The following RBPMS2 variants were observed in gnomAD, a reference collection of about 807,000 sequenced individuals.
RBPMS2 encodes the protein RNA binding protein, mRNA processing factor 2, also known as RNA-binding protein with multiple splicing 2.
Under a neutral mutation model 25.7 loss-of-function variants are expected in RBPMS2, and 14 were observed. The observed-to-expected ratio is 0.55, with a 90% CI of 0.36 to 0.85. The LOEUF is 0.85. Among genes scored for constraint, RBPMS2 ranks in the 40% least tolerant of loss-of-function variants. RBPMS2 has a pLI of 0.01. For missense variants in RBPMS2, 252 were observed against 283.4 expected (o/e 0.89, Z 0.80); for synonymous variants, 127 against 115.6 (o/e 1.10, Z -0.63).
chr15:64,751,720 T>A, intron 1 of RBPMS2, 82 bp from the exon 2 acceptor site: 1 of 1,151,090 alleles, frequency 8.7e-7, no homozygotes, highest in Non-Finnish European at 1.3e-6. Flanking sequence ...GGCAGGCAAC[T>A]GGAATCCTTC....
intron 6 of RBPMS2, among the ~76,000 whole-genome samples, chr15:64,748,050 G>C (rs945779354): frequency 6.6e-6 from 1 of 152,076 alleles, no homozygotes; most frequent in Non-Finnish European, 1.5e-5. Flanking sequence ...TTGATGAAAG[G>C]GACAGGAAGG....
rs1308987488 is a variant in RBPMS2, at chr15:64,775,279, G to C, written c.41C>G (p.Thr14Ser). ...GGAGCCCGCGCCGGAGCCGGTGCCG[G>C]TGCTGCCGCCGTGCTCGCCGTCCGG... ...LKPDGEHGGS[T>S]GTGSGAGSGG... The change falls in exon 1 of 8, where the codon ACC (threonine) becomes AGC (serine). Residue 14 changes from threonine (T) to serine (S), a missense_variant. Physicochemically the swap from Thr to Ser is moderately conservative, Grantham distance 58. Transcript: ENST00000300069. 1.5e-6 allele frequency: 2 copies of C among 1,353,372 alleles called. No individual in the cohort carries two copies. Among genetic ancestry groups the C allele is most frequent in the African/African-American group, 1.5e-5 (1 of 66,042 alleles). 83.8% of individuals were successfully genotyped at this position (1,353,372 alleles called of 1,614,324 possible). A position where few individuals can be genotyped will look rare whatever the true frequency, so the allele number is the denominator to read the frequency against.
rs1049430594 is a variant in RBPMS2, at chr15:64,749,558, A to G, written c.205-65T>C. 9 of 1,362,014 alleles carry G rather than the reference A, an allele frequency of 6.6e-6. No individual in the cohort carries two copies. In the African/African-American group the frequency reaches 1.3e-4, roughly 20 times the overall value. 84.4% of individuals were successfully genotyped at this position (1,362,014 alleles called of 1,614,324 possible). A position where few individuals can be genotyped will look rare whatever the true frequency, so the allele number is the denominator to read the frequency against. The stretch of plus-strand genomic sequence containing the variant: ...GCATTCCACCTCTCCCTCCAAAATA[A>G]CAACAAAAAAAGAGTATCATCTATG... On this transcript the variant is annotated intron_variant, in intron 3 of 7. Coordinates refer to ENST00000300069, the MANE Select transcript of RBPMS2 (RefSeq NM_194272.3).
At chr15:64,746,951 G>T (rs887592183) in intron 6 of RBPMS2, among the ~76,000 whole-genome samples, 1 of 152,186 alleles carries the variant, frequency 6.6e-6, no homozygotes, top group Non-Finnish European at 1.5e-5. Flanking sequence ...TTGACCTGAA[G>T]CATCAAGTCA....
chr15:64,749,420 C>T lies in RBPMS2; in HGVS notation c.267+11G>A. On this transcript the variant is annotated intron_variant, in intron 4 of 7. Transcript: ENST00000300069. ...TGTGAGTCAGAGAAGACCTGTTCTC[C>T]ACCTACTCACGTTCAGCGCATTCTT... The T allele has an allele frequency of 6.2e-7, 1 of 1,611,562 alleles. No individual in the cohort carries two copies. The highest frequency in any genetic ancestry group is 8.5e-7 in the Non-Finnish European group (1 of 1,178,232).
chr15:64,773,961 C>G (rs2083909665), intron 1 of RBPMS2, among the ~76,000 whole-genome samples: 1 of 152,364 alleles, frequency 6.6e-6, no homozygotes, highest in African/African-American at 2.4e-5. Flanking sequence ...CATTAGTGGA[C>G]AGATGTCACA....
At position 64,741,940 on chromosome 15, in the gene RBPMS2, C is replaced by T. The variant is rs59830917; in HGVS notation, c.568-698G>A. Among the ~76,000 whole-genome samples, 1,133 of 152,212 alleles carry T rather than the reference C, an allele frequency of 7.4e-3. 13 individuals are homozygous for T. Among genetic ancestry groups the T allele is most frequent in the African/African-American group, 0.026 (1,073 of 41,514 alleles). On this transcript the variant is annotated intron_variant, in intron 6 of 7. Coordinates refer to ENST00000300069, the MANE Select transcript of RBPMS2 (RefSeq NM_194272.3). The stretch of plus-strand genomic sequence containing the variant: ...CAGCACTTTCGGAGGCCGAGGTGGG[C>T]GGACCACCTGAGGTTCAGAGTTCGA...
intron 2 of RBPMS2, 98 bp downstream of exon 2, chr15:64,751,463 C>T (rs2083679248): frequency 5.0e-6 from 5 of 1,001,104 alleles, no homozygotes; most frequent in Non-Finnish European, 4.7e-6. Context: ...GCCACGCCTT[C>T]CCGCATCATC....
At chr15:64,759,081 T>G (rs1412848609) in intron 1 of RBPMS2, among the ~76,000 whole-genome samples, 1 of 152,026 alleles carries the variant, frequency 6.6e-6, no homozygotes, top group Non-Finnish European at 1.5e-5. Flanking sequence ...GTGAGCCACC[T>G]CACCCATCCT....
intron 1 of RBPMS2, 87 bp downstream of exon 1, chr15:64,775,146 C>G: frequency 2.7e-6 from 2 of 747,180 alleles, no homozygotes; most frequent in Non-Finnish European, 3.6e-6. Flanking sequence ...CACCCCGGCC[C>G]CGCGAGGCGC....
rs1012686621 is a variant in RBPMS2 at position 64,749,034 on chromosome 15, G to A, written c.384C>T (p.Pro128=). Residue 128 remains proline, a synonymous_variant, in exon 5 of 8, where the codon CCC becomes CCT. Coordinates refer to ENST00000300069, the MANE Select transcript of RBPMS2 (RefSeq NM_194272.3). Reference sequence around the variant, plus strand: ...GTGCGATGAAGTGTGCTCCTAGGGCGGGGTGCACGTTGCTGGGATTTGGAG... The same window carrying A: ...GTGCGATGAAGTGTGCTCCTAGGGCAGGGTGCACGTTGCTGGGATTTGGAG... ...MATPNPSNVH[P]ALGAHFIARD... The A allele has an allele frequency of 4.1e-5, 66 of 1,614,070 alleles. No homozygotes were observed. The highest frequency in any genetic ancestry group is 6.7e-5 in the East Asian group (3 of 44,900).
At chr15:64,761,696 CTTTTTTT>C (rs71133473) in intron 1 of RBPMS2, among the ~76,000 whole-genome samples, 2 of 86,678 alleles carry the variant, frequency 2.3e-5, no homozygotes, top group Non-Finnish European at 2.0e-5. Context: ...CAAAGCCCAG[CTTTTTTT>C]TTTTTTTTTT....
chr15:64,753,047 T>C (rs1044489481), intron 1 of RBPMS2, among the ~76,000 whole-genome samples: 1 of 152,162 alleles, frequency 6.6e-6, no homozygotes, highest in Non-Finnish European at 1.5e-5. Context: ...CAAGCCCTGA[T>C]CAGCCAAAAA....
In RBPMS2 at chr15:64,759,387, GAGCTGCA is replaced by G. The variant is rs1243558813; in HGVS notation, c.88-7756_88-7750del. On this transcript the variant is annotated intron_variant, in intron 1 of 7. Transcript: ENST00000300069. Reference sequence around the variant, plus strand: ...CCAGCCCTCTCTTTCAGGAAGGTGTGAGCTGCAAGCTGACATCCAAATGTTCTTCCTC... The same window carrying G: ...CCAGCCCTCTCTTTCAGGAAGGTGTGAGCTGACATCCAAATGTTCTTCCTC... 3.3e-5 allele frequency among the ~76,000 whole-genome samples: 5 copies of G among 152,296 alleles called. No homozygotes were observed. The East Asian group carries it at 7.7e-4, about 24-fold the overall frequency.
intron 1 of RBPMS2, among the ~76,000 whole-genome samples, chr15:64,766,557 C>T (rs926133601): frequency 2.0e-5 from 3 of 151,126 alleles, no homozygotes; most frequent in Admixed American, 1.3e-4. Context: ...GATGGAGTCT[C>T]GCTCTGTATC....
chr15:64,742,894 G>A (rs183621219), intron 6 of RBPMS2, among the ~76,000 whole-genome samples: 4 of 152,310 alleles, frequency 2.6e-5, no homozygotes, highest in Admixed American at 1.3e-4. Context: ...CTAAGAACCC[G>A]TTCCTATCCC....
intron 1 of RBPMS2, among the ~76,000 whole-genome samples, chr15:64,752,543 CA>C (rs1364878419): frequency 2.0e-5 from 3 of 152,050 alleles, no homozygotes; most frequent in Non-Finnish European, 1.5e-5. Context: ...GGTAAACAGT[CA>C]AAACCATTAT....
chr15:64,752,884 T>C (rs2083695964), intron 1 of RBPMS2, among the ~76,000 whole-genome samples: 1 of 152,160 alleles, frequency 6.6e-6, no homozygotes, highest in African/African-American at 2.4e-5. Flanking sequence ...AGTGCTGAGA[T>C]GACAGGATTG....
In RBPMS2 at chr15:64,775,226, G is replaced by A; in HGVS notation, c.87+7C>T. The A allele has an allele frequency of 7.9e-7, 1 of 1,266,958 alleles. No homozygotes were observed. The highest frequency in any genetic ancestry group is 1.0e-6 in the Non-Finnish European group (1 of 1,002,440). The allele number at this position is 1,266,958 out of a possible 1,614,324, so 78.5% of individuals were successfully genotyped here. On this transcript the variant is annotated splice_region_variant and intron_variant, in intron 1 of 7. Coordinates refer to ENST00000300069, the MANE Select transcript of RBPMS2 (RefSeq NM_194272.3). ...TCACCCGGCAAGTCCCGGGGCCACA[G>A]ACCCACCTCCTCCTCCAGGGCGCCG...
Sources: gnomAD v4.1 joint callset for allele counts (sites outside exome capture counted in the v4.1 genomes callset) on GRCh38, gnomAD v4.1.1 for gene constraint, MANE v1.5 for transcripts, NCBI Gene and HGNC (gene_info 2026-07-23, HGNC 2026-07-21) for gene names.